CNGB3: variants seen among roughly 807,000 people sequenced by gnomAD.
CNGB3 encodes the protein cyclic nucleotide gated channel subunit beta 3.
In CNGB3, 86 loss-of-function variants were observed where a neutral mutation model predicts 92.8. That is an observed-to-expected ratio of 0.93 (90% CI 0.78 to 1.11). The LOEUF is 1.11. Ranked by LOEUF, CNGB3 falls within the 50% of genes least tolerant of loss-of-function variation. The pLI is 0.00. For synonymous variants in CNGB3, 333 were observed against 332.7 expected, an observed-to-expected ratio of 1.00 and a Z score of -0.01; for missense variants, 1,026 against 956.8, an observed-to-expected ratio of 1.07 and a Z score of -0.95.
chr8:86,707,045 T>C (rs2131653835), intron 3 of CNGB3, among the ~76,000 whole-genome samples: 1 of 152,328 alleles, frequency 6.6e-6, no homozygotes, highest in South Asian at 2.1e-4. Flanking sequence ...GATATTAACT[T>C]GATGATATTT....
intron 9 of CNGB3, 100 bp from the exon 10 acceptor site, chr8:86,643,973 C>G: frequency 1.5e-6 from 2 of 1,341,454 alleles, no homozygotes; most frequent in Admixed American, 1.8e-5. Context: ...GAACCCCTTG[C>G]TTTGGATTTG....
chr8:86,692,867 G>C (rs1251912195), intron 3 of CNGB3, among the ~76,000 whole-genome samples: 1 of 152,048 alleles, frequency 6.6e-6, no homozygotes. Context: ...GGTGTATTTT[G>C]AGGTTTTGTT....
chr8:86,695,200 G>A (rs532200932), intron 3 of CNGB3, among the ~76,000 whole-genome samples: 15 of 152,218 alleles, frequency 9.9e-5, no homozygotes, highest in South Asian at 2.1e-4. Context: ...GCAGGCACTC[G>A]GCAGGAGAAT....
In CNGB3 at chr8:86,658,992, GCCAGACCCT is replaced by G; in HGVS notation, c.853-4939_853-4931del. 4 of 1,062,192 alleles carry G rather than the reference GCCAGACCCT, an allele frequency of 3.8e-6. No homozygotes were observed. The South Asian group carries it at 5.2e-5, about 14-fold the overall frequency. The allele number at this position is 1,062,192 out of a possible 1,614,324, so 65.8% of individuals were successfully genotyped here. On this transcript the variant is annotated intron_variant, in intron 6 of 17. Coordinates refer to ENST00000320005, the MANE Select transcript of CNGB3 (RefSeq NM_019098.5). The stretch of plus-strand genomic sequence containing the variant: ...TTGCACCTGGGCTTGGAGCTGTCCT[GCCAGACCCT>G]CCAGCTCCTTCCGCAGGTGCTCGGC...
intron 3 of CNGB3, among the ~76,000 whole-genome samples, chr8:86,694,779 G>T (rs1824412927): frequency 6.6e-6 from 1 of 151,794 alleles, no homozygotes; most frequent in African/African-American, 2.4e-5. Context: ...TCCTAGATGG[G>T]ATGGTGGCTG....
At chr8:86,742,465 C>T (rs535018829) in intron 1 of CNGB3, among the ~76,000 whole-genome samples, 13 of 152,268 alleles carry the variant, frequency 8.5e-5, no homozygotes, top group African/African-American at 2.4e-4. Flanking sequence ...AGATTTTCCA[C>T]GGCCCATGTT....
chr8:86,672,609 C>T (rs1280269829), intron 3 of CNGB3, among the ~76,000 whole-genome samples: 1 of 152,100 alleles, frequency 6.6e-6, no homozygotes, highest in Admixed American at 6.5e-5. Flanking sequence ...CATCTCACCT[C>T]CAAGTGGCAG....
chr8:86,606,187 T>C (rs1563724503), intron 14 of CNGB3, among the ~76,000 whole-genome samples: 1 of 149,946 alleles, frequency 6.7e-6, no homozygotes, highest in African/African-American at 2.5e-5. Context: ...TCTTGCTCTG[T>C]TCCCCAGGCT....
chr8:86,696,988 T>C (rs528324386), intron 3 of CNGB3, among the ~76,000 whole-genome samples: 1 of 151,952 alleles, frequency 6.6e-6, no homozygotes, highest in Non-Finnish European at 1.5e-5. Context: ...TGCAAAAAAA[T>C]GAATTAAAAC....
intron 3 of CNGB3, among the ~76,000 whole-genome samples, chr8:86,712,137 C>A (rs1277170802): frequency 6.6e-6 from 1 of 151,840 alleles, no homozygotes; most frequent in Non-Finnish European, 1.5e-5. Context: ...TTTAAAGTAC[C>A]TTAATAGCAA....
chr8:86,669,587 A>G (rs938229241), intron 4 of CNGB3, among the ~76,000 whole-genome samples: 7 of 152,160 alleles, frequency 4.6e-5, no homozygotes, highest in African/African-American at 1.4e-4. Flanking sequence ...TCTTTTCAAT[A>G]TATCTTTATC....
chr8:86,683,170 A>C (rs1258346515), intron 3 of CNGB3, among the ~76,000 whole-genome samples: 1 of 152,208 alleles, frequency 6.6e-6, no homozygotes, highest in African/African-American at 2.4e-5. Context: ...CTAATAAGGA[A>C]AGAATGGAGA....
At chr8:86,742,033 A>G (rs1478836902) in intron 1 of CNGB3, among the ~76,000 whole-genome samples, 2 of 152,212 alleles carry the variant, frequency 1.3e-5, no homozygotes, top group Non-Finnish European at 2.9e-5. Flanking sequence ...TAAGGAGCAA[A>G]TTGTAATAGG....
chr8:86,673,045 A>G (rs1365049025), intron 3 of CNGB3, among the ~76,000 whole-genome samples: 1 of 152,182 alleles, frequency 6.6e-6, no homozygotes. Flanking sequence ...TCCTTCTTAA[A>G]GGTGTGCTTA....
chr8:86,592,550 G>A lies in CNGB3; in HGVS notation c.1781+11543C>T, dbSNP rs1451317730. Reference sequence around the variant, plus strand: ...TTGCCTGGAGATACATAGCTCATAAGTTGTGGCACATGGATGCAAACCAAT... The same window carrying A: ...TTGCCTGGAGATACATAGCTCATAAATTGTGGCACATGGATGCAAACCAAT... On this transcript the variant is annotated intron_variant, in intron 15 of 17. Coordinates refer to ENST00000320005, the MANE Select transcript of CNGB3 (RefSeq NM_019098.5). 8.5e-5 allele frequency among the ~76,000 whole-genome samples: 13 copies of A among 152,198 alleles called. No homozygotes were observed. The East Asian group carries it at 2.1e-3, about 25-fold the overall frequency.
chr8:86,689,911 C>T (rs541137997), intron 3 of CNGB3, among the ~76,000 whole-genome samples: 16 of 152,316 alleles, frequency 1.1e-4, no homozygotes, highest in African/African-American at 3.8e-4. Flanking sequence ...TTTATGGCTG[C>T]ATAGTATTCC....
intron 3 of CNGB3, among the ~76,000 whole-genome samples, chr8:86,711,019 C>A (rs146036709): frequency 6.6e-6 from 1 of 152,150 alleles, no homozygotes; most frequent in Non-Finnish European, 1.5e-5. Context: ...TTTGTTGGAT[C>A]TATCATTTGA....
chr8:86,590,396 T>A (rs927741043), intron 15 of CNGB3, among the ~76,000 whole-genome samples: 1 of 152,126 alleles, frequency 6.6e-6, no homozygotes, highest in Admixed American at 6.5e-5. Flanking sequence ...TGTTAGCTGG[T>A]TATTTTGCTC....
At chr8:86,672,246 A>G (rs1823875483) in intron 3 of CNGB3, among the ~76,000 whole-genome samples, 1 of 152,058 alleles carries the variant, frequency 6.6e-6, no homozygotes, top group African/African-American at 2.4e-5. Flanking sequence ...CTACAGGTGC[A>G]TGCCACCACG....
Sources: gnomAD v4.1 joint callset for allele counts (sites outside exome capture counted in the v4.1 genomes callset) on GRCh38, gnomAD v4.1.1 for gene constraint, MANE v1.5 for transcripts, NCBI Gene and HGNC (gene_info 2026-07-23, HGNC 2026-07-21) for gene names.